Variants in FXR2 observed in about 807,000 individuals in gnomAD.
FXR2 encodes FMR1 autosomal homolog 2.
A neutral mutation model predicts 87.3 loss-of-function variants in FXR2; 9 were observed. The observed-to-expected ratio is 0.10, with a 90% CI of 0.06 to 0.18. FXR2 has a LOEUF of 0.18. FXR2 is among the 10% of genes least tolerant of loss of function. FXR2 has a pLI of 1.00. For missense variants in FXR2, 661 were observed against 893.6 expected, an observed-to-expected ratio of 0.74 and a Z score of 3.32; for synonymous variants, 331 against 328.3, an observed-to-expected ratio of 1.01 and a Z score of -0.09.
chr17:7,595,997 G>A lies in FXR2; in HGVS notation c.661-3C>T. Reference sequence around the variant, plus strand: ...GCTGCTGCCAACTGCTTGCTTGTCTGAAAGGAAAAGTCACTGTAGGAATCA... The same window carrying A: ...GCTGCTGCCAACTGCTTGCTTGTCTAAAAGGAAAAGTCACTGTAGGAATCA... On this transcript the variant is annotated splice_polypyrimidine_tract_variant and splice_region_variant and intron_variant, in intron 7 of 16. Transcript: ENST00000250113. This position sits in a 1 kb window ranked among gnomAD's most constrained non-coding sequence, Gnocchi z 4.7. 1 of 1,611,226 alleles carries A rather than the reference G, an allele frequency of 6.2e-7. No individual in the cohort carries two copies. The highest frequency in any genetic ancestry group is 1.1e-5 in the South Asian group (1 of 90,992).
chr17:7,597,714 C>T (rs890615603), intron 7 of FXR2, among the ~76,000 whole-genome samples: 12 of 152,046 alleles, frequency 7.9e-5, no homozygotes, highest in Non-Finnish European at 1.2e-4. Flanking sequence ...CGGCCCCTTT[C>T]CGGTTTTTAG....
intron 1 of FXR2, among the ~76,000 whole-genome samples, chr17:7,609,985 T>TATATACATGCATATGTATAC (rs1567753953): frequency 0.048 from 5,043 of 105,570 alleles, 360 homozygotes; most frequent in African/African-American, 0.062. Context: ...TATACATATA[T>TATATACATGCATATGTATAC]ATATACATGT....
chr17:7,600,610 G>A (rs1250024672), intron 7 of FXR2, among the ~76,000 whole-genome samples: 2 of 152,206 alleles, frequency 1.3e-5, no homozygotes, highest in Admixed American at 1.3e-4. Flanking sequence ...CCAAGGCCGG[G>A]CGCAGCGGCT....
At chr17:7,609,930 G>GTATATA (rs1162446541) in intron 1 of FXR2, among the ~76,000 whole-genome samples, 1 of 78,972 alleles carries the variant, frequency 1.3e-5, no homozygotes, top group African/African-American at 5.1e-5. Context: ...ACATGTATAT[G>GTATATA]TATATATATA....
At chr17:7,609,961 T>TACATGTATATTTATACATATAC (rs761974498) in intron 1 of FXR2, among the ~76,000 whole-genome samples, 1 of 109,464 alleles carries the variant, frequency 9.1e-6, no homozygotes, top group Non-Finnish European at 2.3e-5. Flanking sequence ...TATACATATA[T>TACATGTATATTTATACATATAC]ATACATGTAT....
At chr17:7,605,519 A>G (rs190034346) in intron 3 of FXR2, 126 bp downstream of exon 3, 1 of 592,940 alleles carries the variant, frequency 1.7e-6, no homozygotes. Context: ...GTTGCATTTT[A>G]CATTTCCATA....
Position 7,614,586 on chromosome 17 carries a change from T to G in FXR2, c.-54A>C, listed in dbSNP as rs2071926090. On this transcript the variant is annotated 5_prime_UTR_variant, in exon 1 of 17. Coordinates refer to ENST00000250113, the MANE Select transcript of FXR2 (RefSeq NM_004860.4). ...GCGGCGGCTGCAGCAGCAGTCTGAG[T>G]GCGGGCCGGGCCAGGCCCCCGGCGT... is the stretch of plus-strand genomic sequence containing the variant. 1.7e-6 allele frequency: 2 copies of G among 1,205,500 alleles called. No homozygotes were observed. The highest frequency in any genetic ancestry group is 6.3e-5 in the East Asian group (2 of 31,760). The allele number at this position is 1,205,500 out of a possible 1,614,324, so 74.7% of individuals were successfully genotyped here. A position where few individuals can be genotyped will look rare whatever the true frequency, so the allele number is the denominator to read the frequency against.
Position 7,603,777 on chromosome 17 carries a change from C to G in FXR2, c.429G>C (p.Val143=), listed in dbSNP as rs1463822441. ...KGSFFKVTMA[V]PEDLREACSN... is the part of the protein sequence containing the mutation. ...CTCACGCTTCTCTCAGATCCTCGGGCACAGCCATGGTAACCTTGAAGAAGC... is the reference window on the plus strand; with the variant it reads ...CTCACGCTTCTCTCAGATCCTCGGGGACAGCCATGGTAACCTTGAAGAAGC... The change falls in exon 5 of 17, where the codon GTG becomes GTC. Residue 143 remains valine (V), a synonymous_variant. Coordinates refer to ENST00000250113, the MANE Select transcript of FXR2 (RefSeq NM_004860.4). 2 of 1,613,788 alleles carry G rather than the reference C, an allele frequency of 1.2e-6. No homozygotes were observed. The highest frequency in any genetic ancestry group is 2.7e-5 in the African/African-American group (2 of 74,878).
chr17:7,592,967 A>G lies in FXR2; in HGVS notation c.1528+17T>C. ...CTTTCCTTTTGGCCCATATTCATGA[A>G]CCCAGCTGTCTGGTACCTGAGCTAA... On this transcript the variant is annotated intron_variant, in intron 13 of 16. Coordinates refer to ENST00000250113, the MANE Select transcript of FXR2 (RefSeq NM_004860.4). The surrounding 1 kb of genome is among the most constrained non-coding windows in gnomAD (Gnocchi z 4.8). The G allele has an allele frequency of 6.4e-7, 1 of 1,554,248 alleles. No individual in the cohort carries two copies. Among genetic ancestry groups the G allele is most frequent in the Non-Finnish European group, 8.7e-7 (1 of 1,151,890 alleles).
At chr17:7,596,367 A>G in intron 7 of FXR2, 1 of 158,040 alleles carries the variant, frequency 6.3e-6, no homozygotes, top group Non-Finnish European at 1.4e-5. Flanking sequence ...CATGTTGGCC[A>G]GGCTGGTCTC....
At chr17:7,600,127 G>A (rs1017270227) in intron 7 of FXR2, among the ~76,000 whole-genome samples, 2 of 151,806 alleles carry the variant, frequency 1.3e-5, no homozygotes, top group African/African-American at 4.8e-5. Flanking sequence ...TTGAACTCCC[G>A]ACCTCAGGTG....
Position 7,592,323 on chromosome 17 carries a change from C to T in FXR2, c.1857G>A (p.Glu619=), listed in dbSNP as rs746767737. 24 of 1,613,324 alleles carry T rather than the reference C, an allele frequency of 1.5e-5. No individual in the cohort carries two copies. The highest frequency in any genetic ancestry group is 2.7e-5 in the African/African-American group (2 of 74,886). ...GGGGTGGCCTCTGGCGGCTCTGAGA[C>T]TCTGCTCGTGAGATATAGTCAGCCA... ...VTVADYISRA[E]SQSRQRPPLE... Residue 619 remains glutamate (E), a synonymous_variant, in exon 16 of 17, where the codon GAG becomes GAA. Coordinates refer to ENST00000250113, the MANE Select transcript of FXR2 (RefSeq NM_004860.4). The surrounding 1 kb of genome is among the most constrained non-coding windows in gnomAD (Gnocchi z 4.8).
chr17:7,600,159 A>G (rs2071742348), intron 7 of FXR2, among the ~76,000 whole-genome samples: 1 of 151,914 alleles, frequency 6.6e-6, no homozygotes, highest in East Asian at 2.0e-4. Flanking sequence ...TCAGCCTCCC[A>G]AAGTGCTGGG....
chr17:7,614,798 T>C lies in FXR2; in HGVS notation c.-266A>G. The C allele has an allele frequency of 5.2e-6, 1 of 191,626 alleles. No individual in the cohort carries two copies. Among genetic ancestry groups the C allele is most frequent in the Non-Finnish European group, 1.0e-5 (1 of 96,054 alleles). The allele number at this position is 191,626 out of a possible 1,614,324, so 11.9% of individuals were successfully genotyped here. A position where few individuals can be genotyped will look rare whatever the true frequency, so the allele number is the denominator to read the frequency against. On this transcript the variant is annotated 5_prime_UTR_variant, in exon 1 of 17. Transcript: ENST00000250113. Reference sequence around the variant, plus strand: ...CGCCGCTGCCTTCGTCACCTCAGCTTCCGCCCGCCGCCGCCCCCGCTGCTG... The same window carrying C: ...CGCCGCTGCCTTCGTCACCTCAGCTCCCGCCCGCCGCCGCCCCCGCTGCTG...
intron 1 of FXR2, chr17:7,614,162 G>T (rs1244667043): frequency 1.6e-6 from 1 of 635,658 alleles, no homozygotes; most frequent in Non-Finnish European, 2.9e-6. Flanking sequence ...CTGGGTAAAG[G>T]GGTCTCTCCT....
At position 7,592,859 on chromosome 17, in the gene FXR2, A is replaced by G. The variant is rs746536630; in HGVS notation, c.1564T>C (p.Leu522=). ...KDPDSNPYSL[L]DTSEPEPPVD... ...GGGGGCTCTGGTTCAGACGTGTCCAATAGGCTGTAGGGATTACTGTCTGGA... is the reference window on the plus strand; with the variant it reads ...GGGGGCTCTGGTTCAGACGTGTCCAGTAGGCTGTAGGGATTACTGTCTGGA... The change falls in exon 14 of 17, where the codon TTG becomes CTG. Residue 522 remains leucine, a synonymous_variant. Transcript: ENST00000250113. The surrounding 1 kb of genome is among the most constrained non-coding windows in gnomAD (Gnocchi z 4.8). 50 of 1,604,900 alleles carry G rather than the reference A, an allele frequency of 3.1e-5. No individual in the cohort carries two copies. The highest frequency in any genetic ancestry group is 3.9e-5 in the Non-Finnish European group (46 of 1,175,328).
Position 7,614,610 on chromosome 17 carries a change from G to A in FXR2, c.-78C>T, listed in dbSNP as rs2150951377. Reference sequence around the variant, plus strand: ...GTGCGGGCCGGGCCAGGCCCCCGGCGTCTCCCCGGAGGAGGAGCCGGAGGG... The same window carrying A: ...GTGCGGGCCGGGCCAGGCCCCCGGCATCTCCCCGGAGGAGGAGCCGGAGGG... On this transcript the variant is annotated 5_prime_UTR_variant, in exon 1 of 17. It adds an upstream start codon to the 5' untranslated region. Coordinates refer to ENST00000250113, the MANE Select transcript of FXR2 (RefSeq NM_004860.4). 2.2e-6 allele frequency: 2 copies of A among 925,410 alleles called. No individual in the cohort carries two copies. Among genetic ancestry groups the A allele is most frequent in the Non-Finnish European group, 1.4e-6 (1 of 694,900 alleles). 57.3% of individuals were successfully genotyped at this position (925,410 alleles called of 1,614,324 possible).
chr17:7,599,603 G>A (rs1245200558), intron 7 of FXR2, among the ~76,000 whole-genome samples: 2 of 152,110 alleles, frequency 1.3e-5, no homozygotes, highest in Admixed American at 1.3e-4. Flanking sequence ...CAGGCCAGGC[G>A]TGGTGGCTGA....
chr17:7,602,946 A>G lies in FXR2; in HGVS notation c.506T>C (p.Ile169Thr), dbSNP rs1194197602. 1.3e-6 allele frequency: 2 copies of G among 1,590,156 alleles called. No individual in the cohort carries two copies. Among genetic ancestry groups the G allele is most frequent in the Non-Finnish European group, 1.7e-6 (2 of 1,159,098 alleles). ...CTCACTGTTTGTGATGTTGAGAAAG[A>G]TGCAGTTGGCTCCCAGGGCTTTCTT... is the stretch of plus-strand genomic sequence containing the variant. The part of the protein sequence containing the change: ...EFKKALGANC[I>T]FLNITNSELF... Residue 169 changes from isoleucine to threonine, a missense_variant, in exon 6 of 17, where the codon ATC becomes ACC. This residue lies in a region of FXR2 where 170 missense variants were observed against 247.2 expected (regional missense o/e 0.69). Coordinates refer to ENST00000250113, the MANE Select transcript of FXR2 (RefSeq NM_004860.4).
Sources: gnomAD v4.1 joint callset for allele counts (sites outside exome capture counted in the v4.1 genomes callset) on GRCh38, gnomAD v4.1.1 for gene constraint, gnomAD v4.1.1 regional missense constraint, Gnocchi (gnomAD v3.1) non-coding constraint, MANE v1.5 for transcripts, NCBI Gene and HGNC (gene_info 2026-07-23, HGNC 2026-07-21) for gene names.